Variants in PTPN14 observed in about 807,000 individuals in gnomAD.
The protein encoded by PTPN14 is tyrosine-protein phosphatase non-receptor type 14.
Under a neutral mutation model 126.8 loss-of-function variants are expected in PTPN14, and 53 were observed. The ratio of observed to expected loss-of-function variants is 0.42; its 90% CI spans 0.34 to 0.53. The LOEUF is 0.53. PTPN14 is among the 20% of genes least tolerant of loss of function. The probability of loss-of-function intolerance (pLI) is 0.08; values close to 1 mark genes in which losing one functional copy is unlikely to be tolerated. For missense variants in PTPN14, 1,257 were observed against 1,552.9 expected (o/e 0.81, Z 3.20); for synonymous variants, 630 against 599.3 (o/e 1.05, Z -0.75).
At chr1:214,488,455 A>C (rs1225604865) in intron 1 of PTPN14, among the ~76,000 whole-genome samples, 1 of 152,190 alleles carries the variant, frequency 6.6e-6, no homozygotes, top group Non-Finnish European at 1.5e-5. Flanking sequence ...AAAGAATCAA[A>C]ATCACTAAAG....
chr1:214,485,485 G>A (rs1272580236), intron 1 of PTPN14, among the ~76,000 whole-genome samples: 1 of 152,216 alleles, frequency 6.6e-6, no homozygotes, highest in Non-Finnish European at 1.5e-5. Context: ...CAAGTGGTAT[G>A]AAATTCTCCT....
At chr1:214,381,131 T>A (rs1042450396) in intron 13 of PTPN14, among the ~76,000 whole-genome samples, 4 of 152,236 alleles carry the variant, frequency 2.6e-5, no homozygotes, top group African/African-American at 9.6e-5. Context: ...TCCTTTGTGA[T>A]AATGCAAGGA....
chr1:214,388,656 C>T (rs987552574), intron 11 of PTPN14, among the ~76,000 whole-genome samples: 2 of 152,180 alleles, frequency 1.3e-5, no homozygotes, highest in African/African-American at 2.4e-5. Context: ...GATCCACCCA[C>T]CTTGGCCTCC....
chr1:214,431,149 A>ACAAAAAG (rs1238529774), intron 3 of PTPN14, among the ~76,000 whole-genome samples: 1 of 152,258 alleles, frequency 6.6e-6, no homozygotes, highest in African/African-American at 2.4e-5. Flanking sequence ...GTAAGGAAGC[A>ACAAAAAG]GAAGACAAAA....
chr1:214,462,659 C>T (rs1051137147), intron 2 of PTPN14, among the ~76,000 whole-genome samples: 29 of 152,200 alleles, frequency 1.9e-4, no homozygotes, highest in African/African-American at 6.8e-4. Flanking sequence ...GGACAGCCAT[C>T]GCCTTTTGGG....
chr1:214,411,746 A>C lies in PTPN14; in HGVS notation c.448T>G (p.Phe150Val). 6.6e-7 allele frequency: 1 copy of C among 1,506,294 alleles called. No individual in the cohort carries two copies. Among genetic ancestry groups the C allele is most frequent in the East Asian group, 2.3e-5 (1 of 42,734 alleles). 93.3% of individuals were successfully genotyped at this position (1,506,294 alleles called of 1,614,324 possible). A position where few individuals can be genotyped will look rare whatever the true frequency, so the allele number is the denominator to read the frequency against. Residue 150 changes from phenylalanine (F) to valine (V), a missense_variant, in exon 5 of 19, where the codon TTT becomes GTT. Phe to Val is a conservative substitution (Grantham distance 50). This residue lies in a region of PTPN14 where 1,021 missense variants were observed against 1,183.3 expected (regional missense o/e 0.86). Coordinates refer to ENST00000366956, the MANE Select transcript of PTPN14 (RefSeq NM_005401.5). ...RLAGLAVQAD[F>V]GDYNQFDSQD... ...GAATCAAACTGATTATAGTCTCCAA[A>C]ATCAGCTGAGAAGAAAAGAAGATGG... is the stretch of plus-strand genomic sequence containing the variant.
intron 1 of PTPN14, among the ~76,000 whole-genome samples, chr1:214,520,065 A>AAATAT: frequency 0.013 from 894 of 71,100 alleles, 40 homozygotes; most frequent in African/African-American, 0.062. Flanking sequence ...AAAAAAAAAA[A>AAATAT]ATATATATAT....
At chr1:214,400,482 C>G (rs1658990236) in intron 7 of PTPN14, among the ~76,000 whole-genome samples, 1 of 152,200 alleles carries the variant, frequency 6.6e-6, no homozygotes, top group Non-Finnish European at 1.5e-5. Context: ...TACTAGAAAG[C>G]ACATCAGAAC....
intron 3 of PTPN14, among the ~76,000 whole-genome samples, chr1:214,445,935 C>T (rs994500169): frequency 6.6e-6 from 1 of 152,108 alleles, no homozygotes; most frequent in African/African-American, 2.4e-5. Flanking sequence ...AAAATCTTTC[C>T]TTTGAGTCAG....
intron 3 of PTPN14, among the ~76,000 whole-genome samples, chr1:214,448,149 T>A (rs1382038963): frequency 6.6e-6 from 1 of 152,238 alleles, no homozygotes; most frequent in Admixed American, 6.5e-5. Context: ...TTGGAAAATC[T>A]AAAATTGTAA....
At chr1:214,461,048 G>A (rs1225556299) in intron 2 of PTPN14, among the ~76,000 whole-genome samples, 2 of 152,048 alleles carry the variant, frequency 1.3e-5, no homozygotes, top group African/African-American at 2.4e-5. Flanking sequence ...GTACATGCAC[G>A]GGGCCAGGGG....
intron 5 of PTPN14, among the ~76,000 whole-genome samples, chr1:214,406,839 T>C (rs1659183238): frequency 6.6e-6 from 1 of 152,218 alleles, no homozygotes. Context: ...GTAATCACCT[T>C]TGAAAACTCT....
At chr1:214,436,598 A>G (rs1659922012) in intron 3 of PTPN14, among the ~76,000 whole-genome samples, 1 of 151,922 alleles carries the variant, frequency 6.6e-6, no homozygotes, top group Admixed American at 6.6e-5. Context: ...GGAGTTCAAG[A>G]CCAGCTGGCC....
Position 214,372,824 on chromosome 1 carries a change from C to T in PTPN14, c.2923G>A (p.Ala975Thr). 6.2e-7 allele frequency: 1 copy of T among 1,614,102 alleles called. No homozygotes were observed. Among genetic ancestry groups the T allele is most frequent in the Non-Finnish European group, 8.5e-7 (1 of 1,180,006 alleles). The change falls in exon 16 of 19, where the codon GCA (alanine) becomes ACA (threonine). Residue 975 changes from alanine to threonine, a missense_variant. By Grantham distance (58) the Ala-to-Thr change is moderately conservative. Transcript: ENST00000366956. Reference sequence around the variant, plus strand: ...TGGGTGGCTATGTAGTGCCATTCTGCCCCGCCAACCACCACCTAAAAACCA... The same window carrying T: ...TGGGTGGCTATGTAGTGCCATTCTGTCCCGCCAACCACCACCTAAAAACCA... ...ASHIKVVVGG[A>T]EWHYIATQGP...
chr1:214,393,838 T>C (rs1658816354), intron 9 of PTPN14, 61 bp from the exon 10 acceptor site: 2 of 1,351,448 alleles, frequency 1.5e-6, no homozygotes, highest in Non-Finnish European at 2.1e-6. Context: ...TACATTTCAT[T>C]AAGATTCTTC....
chr1:214,388,801 G>T (rs187643527), intron 11 of PTPN14, among the ~76,000 whole-genome samples: 1 of 152,148 alleles, frequency 6.6e-6, no homozygotes, highest in Admixed American at 6.5e-5. Context: ...AATCCAGCAG[G>T]GGTCACACTT....
chr1:214,431,800 G>A (rs1659802882), intron 3 of PTPN14, among the ~76,000 whole-genome samples: 1 of 152,144 alleles, frequency 6.6e-6, no homozygotes, highest in African/African-American at 2.4e-5. Context: ...TTGTTACAAG[G>A]GCTAAATGGG....
chr1:214,500,097 G>T (rs1439647717), intron 1 of PTPN14, among the ~76,000 whole-genome samples: 1 of 151,776 alleles, frequency 6.6e-6, no homozygotes, highest in Non-Finnish European at 1.5e-5. Context: ...CATGATTCCA[G>T]TTTACGGCAT....
intron 2 of PTPN14, among the ~76,000 whole-genome samples, chr1:214,463,446 T>C (rs530585771): frequency 1.3e-5 from 2 of 152,282 alleles, no homozygotes; most frequent in South Asian, 4.1e-4. Flanking sequence ...CAGAAAAATA[T>C]ACCTAAAAGG....
Sources: gnomAD v4.1 joint callset for allele counts (sites outside exome capture counted in the v4.1 genomes callset) on GRCh38, gnomAD v4.1.1 for gene constraint, gnomAD v4.1.1 regional missense constraint, MANE v1.5 for transcripts, NCBI Gene and HGNC (gene_info 2026-07-23, HGNC 2026-07-21) for gene names.